Variants in TLR7 observed in about 807,000 individuals in gnomAD.
TLR7 encodes the protein toll like receptor 7, also known as toll-like receptor 7.
TLR7 carries 12 observed loss-of-function variants against 38.3 expected under a neutral mutation model. That is an observed-to-expected ratio of 0.31 (90% confidence interval 0.20 to 0.51). TLR7 has a LOEUF of 0.51. TLR7 is among the 20% of genes least tolerant of loss of function. The pLI, the probability that TLR7 is intolerant of heterozygous loss-of-function variation, is 0.98. For synonymous variants in TLR7, 285 were observed against 293.8 expected (o/e 0.97, Z 0.31); for missense variants, 504 against 743.4 (o/e 0.68, Z 3.74).
rs1420056664 is a variant in TLR7 at position 12,886,016 on chromosome X, G to C, written c.508G>C (p.Glu170Gln). 3 of 1,211,808 alleles carry C rather than the reference G, an allele frequency of 2.5e-6. No individual in the cohort carries two copies. In the Admixed American group the frequency reaches 6.5e-5, roughly 26 times the overall value. Residue 170 changes from glutamate to glutamine, a missense_variant, in exon 3 of 3, where the codon GAA becomes CAA. Glu to Gln is a conservative substitution (Grantham distance 29). Transcript: ENST00000380659. ...TTCCATCAGAAAAGAGAATCTAACAGAACTGGCCAACATAGAAATACTCTA... is the reference window on the plus strand; with the variant it reads ...TTCCATCAGAAAAGAGAATCTAACACAACTGGCCAACATAGAAATACTCTA... Reference protein sequence around the residue: ...IFSIRKENLTELANIEILYLG... With the variant: ...IFSIRKENLTQLANIEILYLG...
intron 2 of TLR7, among the ~76,000 whole-genome samples, chrX:12,881,455 ATTC>A (rs1410862080): frequency 9.3e-6 from 1 of 107,866 alleles, no homozygotes; most frequent in Non-Finnish European, 1.9e-5. Flanking sequence ...TAAATGAGTT[ATTC>A]TTTTTAATAA....
At position 12,867,556 on chromosome X, in the gene TLR7, T is replaced by C. The variant is rs1264263949; in HGVS notation, c.-23T>C. ...GCTCTCTTCAACCAGACCTCTACAT[T>C]CCATTTTGGAAGAAGACTAAAAATG... is the stretch of plus-strand genomic sequence containing the variant. On this transcript the variant is annotated 5_prime_UTR_variant, in exon 2 of 3. Coordinates refer to ENST00000380659, the MANE Select transcript of TLR7 (RefSeq NM_016562.4). The C allele has an allele frequency of 1.7e-6, 2 of 1,206,283 alleles. No individual in the cohort carries two copies. The highest frequency in any genetic ancestry group is 2.2e-6 in the Non-Finnish European group (2 of 892,076).
Position 12,885,760 on chromosome X carries a change from C to T in TLR7, c.252C>T (p.Ser84=), listed in dbSNP as rs758443488. 1.2e-5 allele frequency: 15 copies of T among 1,210,389 alleles called. No homozygotes were observed. The highest frequency in any genetic ancestry group is 5.2e-5 in the African/African-American group (3 of 57,219). The change falls in exon 3 of 3, where the codon TCC becomes TCT. Residue 84 remains serine (S), a synonymous_variant. Coordinates refer to ENST00000380659, the MANE Select transcript of TLR7 (RefSeq NM_016562.4). ...INHIPDISPA[S]FHRLDHLVEI... is the part of the protein sequence containing the mutation. Reference sequence around the variant, plus strand: ...ACATACCAGACATCTCCCCAGCGTCCTTTCACAGACTGGACCATCTGGTAG... The same window carrying T: ...ACATACCAGACATCTCCCCAGCGTCTTTTCACAGACTGGACCATCTGGTAG...
At chrX:12,878,160 T>C (rs745440805) in intron 2 of TLR7, among the ~76,000 whole-genome samples, 51 of 112,093 alleles carry the variant, frequency 4.5e-4, no homozygotes, top group African/African-American at 1.7e-3. Context: ...ACTTTCCTCA[T>C]TGTAAATGAG....
At chrX:12,870,789 T>C (rs971786518) in intron 2 of TLR7, among the ~76,000 whole-genome samples, 38 of 112,248 alleles carry the variant, frequency 3.4e-4, no homozygotes, top group Non-Finnish European at 1.5e-4. Context: ...TTTGTTTACT[T>C]ATTGTTGATA....
At chrX:12,879,298 T>C (rs2042883456) in intron 2 of TLR7, among the ~76,000 whole-genome samples, 1 of 111,983 alleles carries the variant, frequency 8.9e-6, no homozygotes, top group Non-Finnish European at 1.9e-5. Flanking sequence ...GTCTTCCCAA[T>C]AGCCTGATGA....
chrX:12,871,718 G>A (rs1343287056), intron 2 of TLR7, among the ~76,000 whole-genome samples: 1 of 111,667 alleles, frequency 9.0e-6, no homozygotes. Flanking sequence ...AGTGCATGGG[G>A]CTGTTGTCCT....
At chrX:12,878,530 A>G (rs5743754) in intron 2 of TLR7, among the ~76,000 whole-genome samples, 5 of 112,505 alleles carry the variant, frequency 4.4e-5, no homozygotes, top group Admixed American at 9.4e-5. Flanking sequence ...ACTTTCTGCA[A>G]TGATGAAAAT....
intron 2 of TLR7, among the ~76,000 whole-genome samples, chrX:12,870,043 C>G (rs774918070): frequency 1.4e-4 from 15 of 110,156 alleles, no homozygotes; most frequent in Non-Finnish European, 2.1e-4. Flanking sequence ...TTTACTGCAC[C>G]TGCTAGGCAA....
intron 2 of TLR7, among the ~76,000 whole-genome samples, chrX:12,880,964 T>C (rs1602436647): frequency 9.0e-6 from 1 of 110,911 alleles, no homozygotes; most frequent in Non-Finnish European, 1.9e-5. Flanking sequence ...TGGTGGCTCA[T>C]GCCTGTAATC....
chrX:12,883,573 T>A (rs2042899778), intron 2 of TLR7, among the ~76,000 whole-genome samples: 1 of 111,294 alleles, frequency 9.0e-6, no homozygotes, highest in Non-Finnish European at 1.9e-5. Context: ...TTTCAGCACT[T>A]TGGGAGGCTG....
Position 12,887,949 on chromosome X carries a change from G to T in TLR7, c.2441G>T (p.Cys814Phe). 1 of 1,211,798 alleles carries T rather than the reference G, an allele frequency of 8.3e-7. No homozygotes were observed. The highest frequency in any genetic ancestry group is 1.1e-6 in the Non-Finnish European group (1 of 895,465). ...CCTTACCTGGCCACAGATGTGACTTGTGTGGGGCCAGGAGCACACAAGGGC... is the reference window on the plus strand; with the variant it reads ...CCTTACCTGGCCACAGATGTGACTTTTGTGGGGCCAGGAGCACACAAGGGC... ...TIPYLATDVT[C>F]VGPGAHKGQS... The change falls in exon 3 of 3, where the codon TGT becomes TTT. Residue 814 changes from cysteine to phenylalanine, a missense_variant. Coordinates refer to ENST00000380659, the MANE Select transcript of TLR7 (RefSeq NM_016562.4).
Position 12,885,761 on chromosome X carries a change from T to C in TLR7, c.253T>C (p.Phe85Leu). The C allele has an allele frequency of 8.3e-7, 1 of 1,212,043 alleles. No homozygotes were observed. Among genetic ancestry groups the C allele is most frequent in the Non-Finnish European group, 1.1e-6 (1 of 895,578 alleles). ...NHIPDISPAS[F>L]HRLDHLVEID... ...CATACCAGACATCTCCCCAGCGTCC[T>C]TTCACAGACTGGACCATCTGGTAGA... is the stretch of plus-strand genomic sequence containing the variant. Residue 85 changes from phenylalanine to leucine, a missense_variant, in exon 3 of 3, where the codon TTT (phenylalanine) becomes CTT (leucine). Transcript: ENST00000380659.
intron 2 of TLR7, among the ~76,000 whole-genome samples, chrX:12,883,083 C>T (rs565963971): frequency 1.1e-3 from 125 of 111,801 alleles, no homozygotes; most frequent in Middle Eastern, 9.2e-3. Context: ...ATCCTATAAC[C>T]GTACAAATCC....
At chrX:12,878,168 G>A (rs964157008) in intron 2 of TLR7, among the ~76,000 whole-genome samples, 2 of 111,855 alleles carry the variant, frequency 1.8e-5, no homozygotes, top group Non-Finnish European at 3.8e-5. Context: ...CATTGTAAAT[G>A]AGCATATCTC....
chrX:12,878,578 C>A (rs2042880903), intron 2 of TLR7, among the ~76,000 whole-genome samples: 1 of 112,140 alleles, frequency 8.9e-6, no homozygotes, highest in African/African-American at 3.2e-5. Flanking sequence ...CAGCCACTAG[C>A]CTAATGTGGC....
At position 12,887,191 on chromosome X, in the gene TLR7, A is replaced by T. The variant is rs1569109715; in HGVS notation, c.1683A>T (p.Ala561=). The change falls in exon 3 of 3, where the codon GCA becomes GCT. Residue 561 remains alanine (A), a synonymous_variant. Coordinates refer to ENST00000380659, the MANE Select transcript of TLR7 (RefSeq NM_016562.4). ...GGCTTGATTTACTCCATTCAACAGC[A>T]TTTGAAGAGCTTCACAAACTGGAAG... ...NNRLDLLHST[A]FEELHKLEVL... 1.7e-6 allele frequency: 2 copies of T among 1,210,300 alleles called. No individual in the cohort carries two copies. The highest frequency in any genetic ancestry group is 2.2e-6 in the Non-Finnish European group (2 of 895,347).
At chrX:12,873,650 C>G (rs1020751161) in intron 2 of TLR7, among the ~76,000 whole-genome samples, 1 of 112,090 alleles carries the variant, frequency 8.9e-6, no homozygotes. Flanking sequence ...AAGTCCCCCT[C>G]TTCCCAGGGA....
chrX:12,879,313 C>T (rs763869276), intron 2 of TLR7, among the ~76,000 whole-genome samples: 5 of 111,877 alleles, frequency 4.5e-5, no homozygotes, highest in Admixed American at 9.5e-5. Context: ...TGATGACATC[C>T]GCATCACATA....
Sources: allele counts gnomAD v4.1 joint callset (sites outside exome capture counted in the v4.1 genomes callset), GRCh38; gene constraint gnomAD v4.1.1; transcripts MANE v1.5; gene names NCBI Gene and HGNC (gene_info 2026-07-23, HGNC 2026-07-21).